RGS13: variants seen among roughly 807,000 people sequenced by gnomAD.
The protein encoded by RGS13 is regulator of G-protein signalling 13.
In RGS13, 14 loss-of-function variants were observed where a neutral mutation model predicts 19.9. The observed-to-expected ratio is 0.70, with a 90% confidence interval of 0.46 to 1.10. RGS13 has a LOEUF of 1.10. Among genes scored for constraint, RGS13 ranks in the 50% least tolerant of loss-of-function variants. The pLI is 0.00. For missense variants in RGS13, 205 were observed against 187.1 expected (o/e 1.10, Z -0.56); for synonymous variants, 60 against 56.8 (o/e 1.06, Z -0.25).
intron 5 of RGS13, among the ~76,000 whole-genome samples, chr1:192,654,912 CA>C (rs1663407911): frequency 1.3e-5 from 2 of 151,986 alleles, no homozygotes; most frequent in South Asian, 4.1e-4. Flanking sequence ...TCCATCCTCC[CA>C]ATTTAAATGA....
intron 5 of RGS13, among the ~76,000 whole-genome samples, chr1:192,651,576 TAGAGGAATGCAAA>T (rs1663338045): frequency 6.6e-6 from 1 of 150,502 alleles, no homozygotes. Context: ...ATAAGAAAAA[TAGAGGAATGCAAA>T]GTAGGAATGC....
intron 3 of RGS13, among the ~76,000 whole-genome samples, chr1:192,643,160 C>T (rs1663155850): frequency 6.6e-6 from 1 of 152,108 alleles, no homozygotes; most frequent in Non-Finnish European, 1.5e-5. Context: ...CTGTGCCCAG[C>T]CCATCACATG....
chr1:192,652,783 G>T (rs1283362593), intron 5 of RGS13, among the ~76,000 whole-genome samples: 1 of 151,774 alleles, frequency 6.6e-6, no homozygotes, highest in East Asian at 1.9e-4. Context: ...ATTGACATGT[G>T]TTTATTCAGT....
intron 3 of RGS13, among the ~76,000 whole-genome samples, chr1:192,641,254 A>AAAGAAAGAAAGAAAGAAAG (rs1553257010): frequency 3.0e-5 from 2 of 67,390 alleles, no homozygotes; most frequent in Non-Finnish European, 6.2e-5. Flanking sequence ...GAAAAGAAAG[A>AAAGAAAGAAAGAAAGAAAG]AAAGAAAGAA....
At chr1:192,641,253 G>GA (rs67669591) in intron 3 of RGS13, among the ~76,000 whole-genome samples, 8 of 78,892 alleles carry the variant, frequency 1.0e-4, no homozygotes, top group African/African-American at 3.9e-4. Flanking sequence ...AGAAAAGAAA[G>GA]AAAAGAAAGA....
Position 192,644,328 on chromosome 1 carries a change from T to C in RGS13, c.-4-3T>C. On this transcript the variant is annotated splice_region_variant and splice_polypyrimidine_tract_variant and intron_variant, in intron 3 of 6. Transcript: ENST00000391995. The stretch of plus-strand genomic sequence containing the variant: ...TATACAAATATATACTGTATTTCCT[T>C]AGAAAAATGAGCAGGCGGAATTGTT... The C allele has an allele frequency of 6.2e-7, 1 of 1,602,452 alleles. No homozygotes were observed.
At chr1:192,638,954 T>TTAAATTCTAGTAGGAGTAGA (rs1390318755) in intron 3 of RGS13, among the ~76,000 whole-genome samples, 1 of 152,146 alleles carries the variant, frequency 6.6e-6, no homozygotes, top group Non-Finnish European at 1.5e-5. Context: ...TTTAGGAAAC[T>TTAAATTCTAGTAGGAGTAGA]TAAAGTCTAG....
At chr1:192,644,511 T>C in intron 4 of RGS13, 112 bp downstream of exon 4, 1 of 826,498 alleles carries the variant, frequency 1.2e-6, no homozygotes, top group Non-Finnish European at 2.0e-6. Flanking sequence ...AAAGTAAAAT[T>C]TGCATTTACA....
chr1:192,637,228 C>G (rs1033704212), intron 1 of RGS13, among the ~76,000 whole-genome samples: 11 of 151,580 alleles, frequency 7.3e-5, no homozygotes, highest in Admixed American at 5.9e-4. Context: ...TCTAAACACT[C>G]TATGTTTCGA....
Position 192,659,364 on chromosome 1 carries a change from G to A in RGS13, c.321G>A (p.Glu107=), listed in dbSNP as rs371888291. ...TTAACATTGACAGTTCGACAAGAGA[G>A]ACTATCATCAGGAACATTCAGGAAC... The part of the protein sequence containing the change: ...REINIDSSTR[E]TIIRNIQEPT... Residue 107 remains glutamate (E), a synonymous_variant, in exon 7 of 7, where the codon GAG becomes GAA. Coordinates refer to ENST00000391995, the MANE Select transcript of RGS13 (RefSeq NM_002927.5). 2.7e-5 allele frequency: 44 copies of A among 1,612,222 alleles called. No homozygotes were observed. Among genetic ancestry groups the A allele is most frequent in the Non-Finnish European group, 3.1e-5 (36 of 1,179,188 alleles).
At chr1:192,648,128 C>A in intron 5 of RGS13, 141 bp downstream of exon 5, 1 of 490,760 alleles carries the variant, frequency 2.0e-6, no homozygotes, top group Non-Finnish European at 3.6e-6. Flanking sequence ...AAAAAGAAAA[C>A]CTGAAAATAG....
At position 192,658,254 on chromosome 1, in the gene RGS13, A is replaced by T; in HGVS notation, c.181A>T (p.Ile61Phe). ...AAAAATGGAGCACAGTGACGAGAAT[A>T]TTCAATTCTGGATGGCATGTGAAAC... ...YLKMEHSDENIQFWMACETYK... is the reference protein window; with the variant it reads ...YLKMEHSDENFQFWMACETYK... The change falls in exon 6 of 7, where the codon ATT becomes TTT. Residue 61 changes from isoleucine (I) to phenylalanine (F), a missense_variant. Coordinates refer to ENST00000391995, the MANE Select transcript of RGS13 (RefSeq NM_002927.5). The T allele has an allele frequency of 6.2e-7, 1 of 1,613,448 alleles. No individual in the cohort carries two copies. The highest frequency in any genetic ancestry group is 1.1e-5 in the South Asian group (1 of 91,040).
intron 5 of RGS13, among the ~76,000 whole-genome samples, chr1:192,650,326 C>G (rs892772902): frequency 6.6e-6 from 1 of 152,014 alleles, no homozygotes; most frequent in Non-Finnish European, 1.5e-5. Context: ...ATGAAGTTCA[C>G]ATAAAAATTC....
chr1:192,658,438 C>A, intron 6 of RGS13, 71 bp downstream of exon 6: 2 of 1,417,640 alleles, frequency 1.4e-6, no homozygotes, highest in Non-Finnish European at 1.9e-6. Flanking sequence ...TGTCAAGCAT[C>A]CATAAGTGCC....
chr1:192,649,930 A>T (rs1663305757), intron 5 of RGS13, among the ~76,000 whole-genome samples: 1 of 152,092 alleles, frequency 6.6e-6, no homozygotes, highest in African/African-American at 2.4e-5. Context: ...TCCCTAGATT[A>T]TAAATTCCTT....
chr1:192,637,370 T>C lies in RGS13; in HGVS notation c.-115-220T>C, dbSNP rs555764472. On this transcript the variant is annotated intron_variant, in intron 1 of 6. Coordinates refer to ENST00000391995, the MANE Select transcript of RGS13 (RefSeq NM_002927.5). ...AATGGAAAATTACAAATTAAAACAG[T>C]AAAGAAATTTTTATAATAAGCCATG... Among the ~76,000 whole-genome samples the C allele has an allele frequency of 3.3e-5, 5 of 151,896 alleles. No individual in the cohort carries two copies. In the East Asian group the frequency reaches 7.7e-4, roughly 24 times the overall value.
At chr1:192,637,430 T>C (rs912302479) in intron 1 of RGS13, among the ~76,000 whole-genome samples, 160 bp from the exon 2 acceptor site, 2 of 151,930 alleles carry the variant, frequency 1.3e-5, no homozygotes, top group Non-Finnish European at 2.9e-5. Flanking sequence ...AGTTAATAAA[T>C]AAAAATGGGA....
chr1:192,658,269 G>A lies in RGS13; in HGVS notation c.196G>A (p.Ala66Thr). The change falls in exon 6 of 7, where the codon GCA (alanine) becomes ACA (threonine). Residue 66 changes from alanine (A) to threonine (T), a missense_variant. Transcript: ENST00000391995. Reference protein sequence around the residue: ...HSDENIQFWMACETYKKIASR... With the variant: ...HSDENIQFWMTCETYKKIASR... ...TGACGAGAATATTCAATTCTGGATG[G>A]CATGTGAAACCTATAAGAAAATTGC... The A allele has an allele frequency of 6.2e-7, 1 of 1,613,300 alleles. No homozygotes were observed. Among genetic ancestry groups the A allele is most frequent in the Non-Finnish European group, 8.5e-7 (1 of 1,179,540 alleles).
At chr1:192,644,212 C>T in intron 3 of RGS13, 119 bp from the exon 4 acceptor site, 1 of 653,224 alleles carries the variant, frequency 1.5e-6, no homozygotes, top group Non-Finnish European at 2.5e-6. Context: ...ATTCCATTAA[C>T]TTCAAGAGCC....
Sources: allele counts gnomAD v4.1 joint callset (sites outside exome capture counted in the v4.1 genomes callset), GRCh38; gene constraint gnomAD v4.1.1; transcripts MANE v1.5; gene names NCBI Gene and HGNC (gene_info 2026-07-23, HGNC 2026-07-21).